KMT2C: variants seen among roughly 807,000 people sequenced by gnomAD.
KMT2C encodes lysine methyltransferase 2C, also known as histone-lysine N-methyltransferase 2C.
A neutral mutation model predicts 507.9 loss-of-function variants in KMT2C; 88 were observed. The observed-to-expected ratio is 0.17, with a 90% CI of 0.15 to 0.21. KMT2C has a LOEUF of 0.21. KMT2C is among the 10% of genes least tolerant of loss of function. The pLI, the probability that KMT2C is intolerant of heterozygous loss-of-function variation, is 1.00. For synonymous variants in KMT2C, 2,049 were observed against 2,080.8 expected, an observed-to-expected ratio of 0.98 and a Z score of 0.42; for missense variants, 4,954 against 5,957.8, an observed-to-expected ratio of 0.83 and a Z score of 5.55.
intron 24 of KMT2C, 27 bp downstream of exon 24, chr7:152,207,273 T>C (rs2094333984): frequency 2.1e-6 from 3 of 1,437,034 alleles, no homozygotes; most frequent in Non-Finnish European, 2.9e-6. Context: ...GTTGATGATA[T>C]TGAAATGTCT....
chr7:152,349,241 T>G (rs779431689), intron 2 of KMT2C, among the ~76,000 whole-genome samples: 1 of 151,742 alleles, frequency 6.6e-6, no homozygotes, highest in South Asian at 2.1e-4. Flanking sequence ...AGATCAGGAG[T>G]TCGAGACCAG....
At chr7:152,432,292 G>A (rs965480851) in intron 1 of KMT2C, among the ~76,000 whole-genome samples, 6 of 152,018 alleles carry the variant, frequency 3.9e-5, no homozygotes, top group African/African-American at 1.2e-4. Flanking sequence ...ATGTTTCTTT[G>A]GCTTCCCAAC....
chr7:152,180,315 C>G (rs2093389643), intron 36 of KMT2C, among the ~76,000 whole-genome samples, 189 bp from the exon 37 acceptor site: 1 of 152,148 alleles, frequency 6.6e-6, no homozygotes, highest in South Asian at 2.1e-4. Flanking sequence ...GCCACCGTGC[C>G]TGACAGGTTA....
intron 34 of KMT2C, among the ~76,000 whole-genome samples, chr7:152,185,172 C>G (rs1253844997): frequency 6.6e-6 from 1 of 151,930 alleles, no homozygotes; most frequent in East Asian, 1.9e-4. Flanking sequence ...AGAGTCTGTA[C>G]AAGTTCAGTA....
Position 152,194,071 on chromosome 7 carries a change from G to C in KMT2C, c.4598C>G (p.Thr1533Ser). 6.3e-7 allele frequency: 1 copy of C among 1,594,480 alleles called. No individual in the cohort carries two copies. Among genetic ancestry groups the C allele is most frequent in the Non-Finnish European group, 8.5e-7 (1 of 1,173,790 alleles). ...LFTAVLSPANTQPTPLPQPPP... is the reference protein window; with the variant it reads ...LFTAVLSPANSQPTPLPQPPP... ...AGGCTGTGGCAATGGAGTTGGCTGA[G>C]TGTTCGCAGGACTAAGTACAGCTGT... The change falls in exon 31 of 59, where the codon ACT (threonine) becomes AGT (serine). Residue 1533 changes from threonine (T) to serine (S), a missense_variant. Thr to Ser is a moderately conservative substitution (Grantham distance 58, BLOSUM62 1). This residue lies in a region of KMT2C where 195 missense variants were observed against 183.7 expected (regional missense o/e 1.06). Coordinates refer to ENST00000262189, the MANE Select transcript of KMT2C (RefSeq NM_170606.3).
At position 152,180,090 on chromosome 7, in the gene KMT2C, G is replaced by A. The variant is rs535169721; in HGVS notation, c.7186C>T (p.Gln2396Ter). 1 of 1,614,216 alleles carries A rather than the reference G, an allele frequency of 6.2e-7. No homozygotes were observed. Among genetic ancestry groups the A allele is most frequent in the Admixed American group, 1.7e-5 (1 of 60,030 alleles). ...KLREIILQQQ[Q>*]QKKIAGRQEK... ...TGTCGACCTGCAATCTTCTTCTGCTGTTGCTGCTGGAGAATGATTTCACGT... is the reference window on the plus strand; with the variant it reads ...TGTCGACCTGCAATCTTCTTCTGCTATTGCTGCTGGAGAATGATTTCACGT... Residue 2396 changes from glutamine (Q) to a stop codon, truncating the protein, a stop_gained, in exon 37 of 59, where the codon CAG becomes TAG. Coordinates refer to ENST00000262189, the MANE Select transcript of KMT2C (RefSeq NM_170606.3). LOFTEE classifies it high-confidence loss of function.
chr7:152,176,038 G>A (rs771646167), intron 38 of KMT2C, among the ~76,000 whole-genome samples, 153 bp downstream of exon 38: 4 of 152,106 alleles, frequency 2.6e-5, no homozygotes, highest in African/African-American at 7.2e-5. Context: ...GTGAGACTCC[G>A]TCTCAAAACA....
At chr7:152,414,652 T>C (rs1409500307) in intron 1 of KMT2C, among the ~76,000 whole-genome samples, 1 of 151,800 alleles carries the variant, frequency 6.6e-6, no homozygotes, top group Non-Finnish European at 1.5e-5. Context: ...CCCGGCATCA[T>C]GCCTGGCTCA....
At chr7:152,416,388 A>G (rs4308636) in intron 1 of KMT2C, among the ~76,000 whole-genome samples, 12,754 of 151,034 alleles carry the variant, frequency 0.084, 30 homozygotes, top group African/African-American at 0.23. Flanking sequence ...TATTAAAACT[A>G]CAAAAAATTA....
chr7:152,301,721 ATGAGGGATACATACT>A (rs2096570588), intron 6 of KMT2C, among the ~76,000 whole-genome samples: 1 of 152,312 alleles, frequency 6.6e-6, no homozygotes, highest in Non-Finnish European at 1.5e-5. Flanking sequence ...ATAGGGGAAA[ATGAGGGATACATACT>A]TTAAGAATTT....
In KMT2C at chr7:152,139,226, C is replaced by A; in HGVS notation, c.14494G>T (p.Asp4832Tyr). ...RGVYMFRMDN[D>Y]HVIDATLTGG... ...GTGAGCGTCGCGTCAATCACATGGT[C>A]GTTATCCATGCGGAACATGTACACA... The change falls in exon 57 of 59, where the codon GAC (aspartate) becomes TAC (tyrosine). Residue 4832 changes from aspartate to tyrosine, a missense_variant. Physicochemically the swap from Asp to Tyr is radical, Grantham distance 160. Transcript: ENST00000262189. 6.2e-7 allele frequency: 1 copy of A among 1,613,892 alleles called. No homozygotes were observed. The highest frequency in any genetic ancestry group is 1.6e-4 in the Middle Eastern group (1 of 6,062).
At chr7:152,180,605 TAAAA>T (rs1024427856) in intron 36 of KMT2C, 102 bp downstream of exon 36, 4 of 855,108 alleles carry the variant, frequency 4.7e-6, no homozygotes, top group Non-Finnish European at 7.0e-6. Flanking sequence ...CTCTACAGAA[TAAAA>T]AAAATAAAAC....
chr7:152,168,161 T>C (rs1279626092), intron 41 of KMT2C, among the ~76,000 whole-genome samples: 1 of 150,820 alleles, frequency 6.6e-6, no homozygotes, highest in African/African-American at 2.4e-5. Context: ...AAAAAAAAAG[T>C]CATCGTATGT....
At chr7:152,245,509 A>AC (rs1736492432) in intron 14 of KMT2C, among the ~76,000 whole-genome samples, 1 of 152,164 alleles carries the variant, frequency 6.6e-6, no homozygotes. Context: ...TTAAAGTGTA[A>AC]CTACTTGAAA....
At chr7:152,289,431 G>A (rs923371547) in intron 6 of KMT2C, among the ~76,000 whole-genome samples, 18 of 152,274 alleles carry the variant, frequency 1.2e-4, no homozygotes, top group African/African-American at 4.3e-4. Context: ...GAGAAATAAA[G>A]AGTAAAATAA....
intron 14 of KMT2C, among the ~76,000 whole-genome samples, chr7:152,244,165 T>C (rs1476781442): frequency 1.3e-5 from 2 of 152,250 alleles, no homozygotes; most frequent in East Asian, 1.9e-4. Context: ...TTCAGTTTAA[T>C]GCATTTTTAA....
At chr7:152,364,993 T>C (rs2097229808) in intron 1 of KMT2C, among the ~76,000 whole-genome samples, 2 of 148,428 alleles carry the variant, frequency 1.3e-5, no homozygotes, top group Admixed American at 1.3e-4. Flanking sequence ...TACTTTATAG[T>C]CAAATTGCTG....
At chr7:152,159,157 C>T in intron 43 of KMT2C, 85 bp from the exon 44 acceptor site, 1 of 1,116,086 alleles carries the variant, frequency 9.0e-7, no homozygotes, top group Non-Finnish European at 1.4e-6. Context: ...TATGACGCGT[C>T]ATCCTAACAT....
At chr7:152,217,363 G>GTGGC (rs1279437626) in intron 23 of KMT2C, among the ~76,000 whole-genome samples, 1 of 152,162 alleles carries the variant, frequency 6.6e-6, no homozygotes, top group Admixed American at 6.5e-5. Context: ...ATGGCAAAGT[G>GTGGC]TGGCAATACT....
Sources: gnomAD v4.1 joint callset for allele counts (sites outside exome capture counted in the v4.1 genomes callset) on GRCh38, gnomAD v4.1.1 for gene constraint, gnomAD v4.1.1 regional missense constraint, MANE v1.5 for transcripts, NCBI Gene and HGNC (gene_info 2026-07-23, HGNC 2026-07-21) for gene names.